DLG2: variants seen among roughly 807,000 people sequenced by gnomAD.
DLG2 encodes discs large MAGUK scaffold protein 2.
Under a neutral mutation model 132.5 loss-of-function variants are expected in DLG2, and 45 were observed. That is an observed-to-expected ratio of 0.34 (90% CI 0.27 to 0.44). The LOEUF (loss-of-function observed/expected upper bound fraction) is 0.44. DLG2 is among the 20% of genes least tolerant of loss of function. DLG2 has a pLI of 1.00. For missense variants in DLG2, 1,045 were observed against 1,196.9 expected (o/e 0.87, Z 1.87); for synonymous variants, 424 against 419.6 (o/e 1.01, Z -0.13).
At chr11:84,902,694 G>T (rs1335671048) in intron 6 of DLG2, among the ~76,000 whole-genome samples, 1 of 152,154 alleles carries the variant, frequency 6.6e-6, no homozygotes, top group African/African-American at 2.4e-5. Context: ...CACCAGAGAT[G>T]CAGACTGGCA....
intron 7 of DLG2, among the ~76,000 whole-genome samples, chr11:84,413,588 T>C (rs1009245546): frequency 6.6e-6 from 1 of 152,122 alleles, no homozygotes; most frequent in Non-Finnish European, 1.5e-5. Context: ...ATAAATACAG[T>C]CAAATCTCCA....
At chr11:83,861,532 G>A (rs1184666549) in intron 16 of DLG2, among the ~76,000 whole-genome samples, 1 of 152,094 alleles carries the variant, frequency 6.6e-6, no homozygotes, top group Non-Finnish European at 1.5e-5. Context: ...ATACACAATG[G>A]AGCCACAAAA....
intron 6 of DLG2, among the ~76,000 whole-genome samples, chr11:84,802,189 A>C (rs2075474073): frequency 1.3e-5 from 2 of 152,034 alleles, no homozygotes; most frequent in Non-Finnish European, 2.9e-5. Context: ...TCATGTACTA[A>C]TTGTGCAATT....
chr11:83,512,917 A>T (rs978837549), intron 21 of DLG2, among the ~76,000 whole-genome samples: 2 of 152,120 alleles, frequency 1.3e-5, no homozygotes, highest in African/African-American at 4.8e-5. Flanking sequence ...ACATTTTCTT[A>T]ATCCAGTCTA....
intron 6 of DLG2, among the ~76,000 whole-genome samples, chr11:84,979,503 T>C (rs995154172): frequency 6.6e-6 from 1 of 152,168 alleles, no homozygotes; most frequent in African/African-American, 2.4e-5. Context: ...TCATGTTCTT[T>C]GTAGGGACAT....
At chr11:83,602,872 A>T (rs2058765688) in intron 19 of DLG2, among the ~76,000 whole-genome samples, 1 of 151,702 alleles carries the variant, frequency 6.6e-6, no homozygotes, top group South Asian at 2.1e-4. Flanking sequence ...AGTCTCACCT[A>T]TTTATAGAAC....
intron 3 of DLG2, among the ~76,000 whole-genome samples, chr11:85,437,420 A>G (rs1003200875): frequency 1.2e-4 from 19 of 152,194 alleles, no homozygotes; most frequent in Non-Finnish European, 2.6e-4. Flanking sequence ...AAAATAGAAA[A>G]TTAATTTATT....
At chr11:83,697,327 T>G (rs2082115207) in intron 18 of DLG2, among the ~76,000 whole-genome samples, 1 of 152,206 alleles carries the variant, frequency 6.6e-6, no homozygotes, top group Non-Finnish European at 1.5e-5. Flanking sequence ...ATCCAAAGAA[T>G]ACATTTAGGA....
intron 11 of DLG2, among the ~76,000 whole-genome samples, chr11:83,989,809 A>T (rs776401241): frequency 5.9e-5 from 9 of 152,208 alleles, no homozygotes; most frequent in African/African-American, 2.2e-4. Context: ...GAATACAATG[A>T]GTTCCTGACT....
At chr11:83,978,047 A>G (rs2092433024) in intron 12 of DLG2, among the ~76,000 whole-genome samples, 1 of 152,066 alleles carries the variant, frequency 6.6e-6, no homozygotes, top group Non-Finnish European at 1.5e-5. Context: ...GGAAAAGTTA[A>G]TTTATTCAAT....
intron 10 of DLG2, among the ~76,000 whole-genome samples, chr11:84,067,415 A>T (rs2096693026): frequency 6.6e-6 from 1 of 152,202 alleles, no homozygotes; most frequent in African/African-American, 2.4e-5. Context: ...TTATAATGAA[A>T]ACAGAAGTTA....
At chr11:84,985,014 T>C (rs1205364879) in intron 6 of DLG2, among the ~76,000 whole-genome samples, 5 of 152,170 alleles carry the variant, frequency 3.3e-5, no homozygotes, top group African/African-American at 9.7e-5. Context: ...AGAAATGAGA[T>C]AGACAGCAAC....
rs1413767867 is a variant in DLG2 at position 83,626,444 on chromosome 11, C to T, written c.1940+6767G>A. On this transcript the variant is annotated intron_variant, in intron 19 of 27. Transcript: ENST00000376104. ...CTGGTACATTGCAGGTAAGTACAAACACCATATTTATTGAATGAAAGAATC... is the reference window on the plus strand; with the variant it reads ...CTGGTACATTGCAGGTAAGTACAAATACCATATTTATTGAATGAAAGAATC... Among the ~76,000 whole-genome samples the T allele has an allele frequency of 3.3e-5, 5 of 152,070 alleles. No individual in the cohort carries two copies. The South Asian group carries it at 8.3e-4, about 25-fold the overall frequency.
chr11:84,386,056 T>C (rs1444547574), intron 7 of DLG2, among the ~76,000 whole-genome samples: 2 of 152,040 alleles, frequency 1.3e-5, no homozygotes, highest in Non-Finnish European at 2.9e-5. Context: ...ATTTAGGGAT[T>C]TTTTACATCT....
intron 7 of DLG2, among the ~76,000 whole-genome samples, chr11:84,387,524 T>C (rs1029724487): frequency 2.0e-5 from 3 of 152,164 alleles, no homozygotes; most frequent in African/African-American, 7.2e-5. Context: ...GCATCTTTAA[T>C]ATAGAAACAT....
At chr11:84,313,641 A>AAAAGAAAGAGAAAGAAAG (rs1555500591) in intron 7 of DLG2, among the ~76,000 whole-genome samples, 1 of 129,178 alleles carries the variant, frequency 7.7e-6, no homozygotes, top group African/African-American at 3.0e-5. Flanking sequence ...GAAAGAGAGA[A>AAAAGAAAGAGAAAGAAAG]AAAGAAAGAA....
intron 9 of DLG2, among the ~76,000 whole-genome samples, chr11:84,130,492 G>GTATA (rs34898841): frequency 0.055 from 7,891 of 143,062 alleles, 264 homozygotes; most frequent in African/African-American, 0.082. Flanking sequence ...AAGTGGAAAA[G>GTATA]TATATATATA....
chr11:84,657,939 T>C (rs913672682), intron 6 of DLG2, among the ~76,000 whole-genome samples: 10 of 152,196 alleles, frequency 6.6e-5, no homozygotes, highest in African/African-American at 2.4e-4. Context: ...TCGACCTTTT[T>C]AGTTGGGCAT....
intron 6 of DLG2, among the ~76,000 whole-genome samples, chr11:84,844,087 A>G (rs11234199): frequency 0.056 from 4,455 of 78,974 alleles, 101 homozygotes; most frequent in African/African-American, 0.079. Flanking sequence ...GTGTGTGTGT[A>G]TATATATATA....
Sources: gnomAD v4.1 joint callset for allele counts (sites outside exome capture counted in the v4.1 genomes callset) on GRCh38, gnomAD v4.1.1 for gene constraint, MANE v1.5 for transcripts, NCBI Gene and HGNC (gene_info 2026-07-23, HGNC 2026-07-21) for gene names.